Variants in RNGTT observed in about 807,000 individuals in gnomAD.
RNGTT encodes the protein mRNA-capping enzyme.
In RNGTT, 33 loss-of-function variants were observed where a neutral mutation model predicts 79.3. That is an observed-to-expected ratio of 0.42 (90% CI 0.32 to 0.56). The LOEUF (loss-of-function observed/expected upper bound fraction) is 0.56, where lower values mean the gene tolerates loss of function less well. Among genes scored for constraint, RNGTT ranks in the 20% least tolerant of loss-of-function variants. RNGTT has a pLI of 0.17. For missense variants in RNGTT, 497 were observed against 739.1 expected, an observed-to-expected ratio of 0.67 and a Z score of 3.80; for synonymous variants, 222 against 235.9, an observed-to-expected ratio of 0.94 and a Z score of 0.54.
intron 14 of RNGTT, among the ~76,000 whole-genome samples, chr6:88,669,419 C>T (rs1021926758): frequency 6.6e-6 from 1 of 152,194 alleles, no homozygotes; most frequent in Non-Finnish European, 1.5e-5. Flanking sequence ...AAGGCCCACA[C>T]TGGTAACTTT....
At chr6:88,720,599 C>A (rs1390886215) in intron 13 of RNGTT, among the ~76,000 whole-genome samples, 1 of 152,038 alleles carries the variant, frequency 6.6e-6, no homozygotes, top group Non-Finnish European at 1.5e-5. Context: ...ATCCCTAAAG[C>A]TCCAGAGATG....
intron 8 of RNGTT, among the ~76,000 whole-genome samples, chr6:88,881,388 C>T (rs1381064119): frequency 6.6e-6 from 1 of 152,066 alleles, no homozygotes; most frequent in African/African-American, 2.4e-5. Context: ...TTATCAAATG[C>T]TTGAAGTCTA....
intron 13 of RNGTT, among the ~76,000 whole-genome samples, chr6:88,758,645 T>G (rs1778102218): frequency 6.6e-6 from 1 of 152,218 alleles, no homozygotes; most frequent in African/African-American, 2.4e-5. Context: ...ATGCTAGGTA[T>G]AGTACTGAAC....
intron 4 of RNGTT, among the ~76,000 whole-genome samples, chr6:88,911,397 G>C (rs924958693): frequency 6.6e-6 from 1 of 152,112 alleles, no homozygotes; most frequent in African/African-American, 2.4e-5. Context: ...GGATCATTAC[G>C]TGATAAAAAG....
chr6:88,945,451 T>C (rs1315922234), intron 1 of RNGTT, among the ~76,000 whole-genome samples: 2 of 152,222 alleles, frequency 1.3e-5, no homozygotes, highest in Non-Finnish European at 2.9e-5. Context: ...CTGCCTTACA[T>C]GACACCCAAA....
At chr6:88,776,380 C>T (rs368819950) in intron 12 of RNGTT, among the ~76,000 whole-genome samples, 8 of 149,138 alleles carry the variant, frequency 5.4e-5, no homozygotes, top group South Asian at 2.1e-4. Context: ...AGTGCAGTGG[C>T]GCAATCTCAG....
At chr6:88,650,717 A>C (rs1773764962) in intron 14 of RNGTT, among the ~76,000 whole-genome samples, 1 of 152,222 alleles carries the variant, frequency 6.6e-6, no homozygotes, top group Non-Finnish European at 1.5e-5. Flanking sequence ...GTTCTTAAAG[A>C]AATAAAATAG....
At position 88,849,011 on chromosome 6, in the gene RNGTT, A is replaced by G. The variant is rs183551039; in HGVS notation, c.1104+744T>C. Among the ~76,000 whole-genome samples the G allele has an allele frequency of 3.1e-3, 468 of 152,108 alleles. 7 individuals carry two copies. The highest frequency in any genetic ancestry group is 0.017 in the East Asian group (90 of 5,184). The stretch of plus-strand genomic sequence containing the variant: ...AAGTGAGAGTAAGCCCAGACTGAAC[A>G]TGTATTAAAGCAGAGCTCAGTGTCA... On this transcript the variant is annotated intron_variant, in intron 10 of 15. Transcript: ENST00000369485.
intron 4 of RNGTT, among the ~76,000 whole-genome samples, chr6:88,912,377 C>G (rs1296248238): frequency 1.3e-5 from 2 of 152,152 alleles, no homozygotes; most frequent in African/African-American, 4.8e-5. Context: ...CTACTGACCT[C>G]TAGCCTGGCT....
intron 11 of RNGTT, among the ~76,000 whole-genome samples, chr6:88,833,469 G>A (rs1434139000): frequency 1.3e-5 from 2 of 152,184 alleles, no homozygotes; most frequent in African/African-American, 4.8e-5. Context: ...AATACCTAAT[G>A]TAGATGACGG....
At chr6:88,795,885 G>A (rs1779587521) in intron 12 of RNGTT, among the ~76,000 whole-genome samples, 1 of 152,134 alleles carries the variant, frequency 6.6e-6, no homozygotes, top group South Asian at 2.1e-4. Flanking sequence ...ATCTTATTTT[G>A]TTCTGCAAGC....
At chr6:88,803,253 G>T (rs996610504) in intron 11 of RNGTT, among the ~76,000 whole-genome samples, 19 of 152,014 alleles carry the variant, frequency 1.2e-4, no homozygotes, top group African/African-American at 3.6e-4. Flanking sequence ...GGCTTGGGGG[G>T]TAGTCTTTAA....
intron 8 of RNGTT, among the ~76,000 whole-genome samples, chr6:88,876,456 A>G (rs779532009): frequency 6.6e-6 from 1 of 152,190 alleles, no homozygotes; most frequent in Non-Finnish European, 1.5e-5. Flanking sequence ...TCGAGGCTGC[A>G]GTGAGGCATG....
chr6:88,693,181 AAACT>A (rs1469412154), intron 13 of RNGTT, among the ~76,000 whole-genome samples: 1 of 152,064 alleles, frequency 6.6e-6, no homozygotes, highest in Non-Finnish European at 1.5e-5. Flanking sequence ...TAAATCAATG[AAACT>A]AAGAATTGAT....
At chr6:88,804,696 G>C (rs1384315282) in intron 11 of RNGTT, among the ~76,000 whole-genome samples, 4 of 151,120 alleles carry the variant, frequency 2.6e-5, no homozygotes, top group African/African-American at 9.7e-5. Flanking sequence ...AGAAATATTA[G>C]CTTTTGTTTA....
chr6:88,892,530 C>T (rs1783085792), intron 6 of RNGTT, among the ~76,000 whole-genome samples: 1 of 152,040 alleles, frequency 6.6e-6, no homozygotes, highest in Non-Finnish European at 1.5e-5. Flanking sequence ...TATTACTCAT[C>T]ATGGAATTTT....
chr6:88,910,032 C>T (rs1005250602), intron 4 of RNGTT, among the ~76,000 whole-genome samples: 11 of 151,498 alleles, frequency 7.3e-5, no homozygotes, highest in African/African-American at 7.3e-5. Context: ...CCAGTTCCCT[C>T]AGATGAGAAG....
chr6:88,701,894 A>G (rs1775959973), intron 13 of RNGTT, among the ~76,000 whole-genome samples: 1 of 152,126 alleles, frequency 6.6e-6, no homozygotes, highest in African/African-American at 2.4e-5. Context: ...TATTAAAATC[A>G]GTAGCATTTC....
At chr6:88,773,447 G>T (rs1340536676) in intron 12 of RNGTT, among the ~76,000 whole-genome samples, 1 of 149,914 alleles carries the variant, frequency 6.7e-6, no homozygotes, top group African/African-American at 2.4e-5. Flanking sequence ...TTGTGCACAT[G>T]TACCCTAAAA....
Sources: gnomAD v4.1 joint callset for allele counts (sites outside exome capture counted in the v4.1 genomes callset) on GRCh38, gnomAD v4.1.1 for gene constraint, MANE v1.5 for transcripts, NCBI Gene and HGNC (gene_info 2026-07-23, HGNC 2026-07-21) for gene names.